The following WDFY3 variants were observed in gnomAD, a reference collection of about 807,000 sequenced individuals.
WDFY3 encodes the protein WD repeat and FYVE domain containing 3, also known as WD repeat and FYVE domain-containing protein 3.
WDFY3 carries 66 observed loss-of-function variants against 409.6 expected under a neutral mutation model. That is an observed-to-expected ratio of 0.16 (90% confidence interval 0.13 to 0.20). The LOEUF (loss-of-function observed/expected upper bound fraction) is 0.20, where lower values mean the gene tolerates loss of function less well. WDFY3 is among the 10% of genes least tolerant of loss of function. WDFY3 has a pLI of 1.00. For missense variants in WDFY3, 3,031 were observed against 4,298.1 expected, an observed-to-expected ratio of 0.71 and a Z score of 8.24; for synonymous variants, 1,521 against 1,537.1, an observed-to-expected ratio of 0.99 and a Z score of 0.25.
At position 84,765,784 on chromosome 4, in the gene WDFY3, A is replaced by T. The variant is rs773174181; in HGVS notation, c.5188+26T>A. The stretch of plus-strand genomic sequence containing the variant: ...AACAAAACACACCAGCTCATTTTCA[A>T]GCAGCTGACTAGAAAAGTCCCATAC... On this transcript the variant is annotated intron_variant, in intron 32 of 67. Coordinates refer to ENST00000295888, the MANE Select transcript of WDFY3 (RefSeq NM_014991.6). 11 of 1,600,548 alleles carry T rather than the reference A, an allele frequency of 6.9e-6. No individual in the cohort carries two copies. The South Asian group carries it at 1.2e-4, about 18-fold the overall frequency.
Position 84,759,867 on chromosome 4 carries a change from T to C in WDFY3, c.5189-2706A>G, listed in dbSNP as rs1742208900. ...TGAATAGGAGTGGTGAGAGAGGGCA[T>C]CCCTGTCTTGTGCCAGTTTTCAAAG... On this transcript the variant is annotated intron_variant, in intron 32 of 67. Transcript: ENST00000295888. Among the ~76,000 whole-genome samples, 3 of 150,228 alleles carry C rather than the reference T, an allele frequency of 2.0e-5. No individual in the cohort carries two copies. The South Asian group carries it at 6.4e-4, about 32-fold the overall frequency.
chr4:84,823,847 T>C (rs538528438), intron 10 of WDFY3, among the ~76,000 whole-genome samples: 2 of 152,330 alleles, frequency 1.3e-5, no homozygotes, highest in South Asian at 2.1e-4. Flanking sequence ...ACAGCCACTT[T>C]AGAAGATACT....
At chr4:84,788,739 T>G (rs1160225602) in intron 22 of WDFY3, among the ~76,000 whole-genome samples, 2 of 152,176 alleles carry the variant, frequency 1.3e-5, no homozygotes, top group African/African-American at 4.8e-5. Context: ...TTTCAAGTGA[T>G]CGCCCTAAAA....
At chr4:84,888,482 A>C (rs539881230) in intron 3 of WDFY3, among the ~76,000 whole-genome samples, 112 of 152,350 alleles carry the variant, frequency 7.4e-4, no homozygotes, top group African/African-American at 2.5e-3. Context: ...AAGAGTACTT[A>C]ACTATTAACC....
intron 53 of WDFY3, among the ~76,000 whole-genome samples, chr4:84,707,967 G>A (rs181503609): frequency 1.3e-5 from 2 of 152,302 alleles, no homozygotes; most frequent in East Asian, 1.9e-4. Context: ...ATTTCTGAAA[G>A]GATAAGCAGT....
intron 17 of WDFY3, among the ~76,000 whole-genome samples, chr4:84,799,475 T>C (rs1023084584): frequency 1.3e-5 from 2 of 151,944 alleles, no homozygotes; most frequent in African/African-American, 4.8e-5. Flanking sequence ...CCTGGCCTCA[T>C]ACTTTATTTC....
chr4:84,758,440 G>T (rs116751591), intron 32 of WDFY3, among the ~76,000 whole-genome samples: 136 of 152,160 alleles, frequency 8.9e-4, no homozygotes, highest in Middle Eastern at 3.4e-3. Flanking sequence ...TAGAGACAAG[G>T]TCTTGCTATG....
rs577524366 is a variant in WDFY3, at chr4:84,799,632, G to A, written c.2823-1524C>T. Among the ~76,000 whole-genome samples the A allele has an allele frequency of 3.3e-5, 5 of 151,516 alleles. No individual in the cohort carries two copies. In the South Asian group the frequency reaches 8.4e-4, roughly 25 times the overall value. ...TATCTGCATGTATTCTTTACTAGAC[G>A]ATACATTTTTTAAGAGCATAAACCC... On this transcript the variant is annotated intron_variant, in intron 17 of 67. Transcript: ENST00000295888.
Position 84,691,708 on chromosome 4 carries a change from G to C in WDFY3, c.9127C>G (p.Pro3043Ala). Residue 3043 changes from proline (P) to alanine (A), a missense_variant, in exon 60 of 68, where the codon CCA becomes GCA. Coordinates refer to ENST00000295888, the MANE Select transcript of WDFY3 (RefSeq NM_014991.6). The part of the protein sequence containing the change: ...LAVEQNKVLI[P>A]PTWNKTFAWG... ...GCAAAAGTTTTATTCCAGGTTGGTGGGATAAGAACCTTATTCTGTTCCACC... is the reference window on the plus strand; with the variant it reads ...GCAAAAGTTTTATTCCAGGTTGGTGCGATAAGAACCTTATTCTGTTCCACC... The C allele has an allele frequency of 6.2e-7, 1 of 1,614,006 alleles. No homozygotes were observed. The highest frequency in any genetic ancestry group is 8.5e-7 in the Non-Finnish European group (1 of 1,179,968).
At chr4:84,785,894 A>G in intron 24 of WDFY3, 85 bp downstream of exon 24, 6 of 1,488,736 alleles carry the variant, frequency 4.0e-6, no homozygotes, top group Non-Finnish European at 5.4e-6. Context: ...GCAGTCACTC[A>G]TAATTGAGTA....
At chr4:84,879,357 A>G (rs953197907) in intron 3 of WDFY3, 4 of 152,186 alleles carry the variant, frequency 2.6e-5, no homozygotes, top group Non-Finnish European at 5.9e-5. Context: ...TATAGTAGTA[A>G]CTTGATCATT....
chr4:84,942,412 A>C lies in WDFY3; in HGVS notation c.-225-10049T>G, dbSNP rs144064309. ...CTTTTAAAAAAAGGATACATACAGC[A>C]AACAAGCAATGAAAGCTCACTACCA... On this transcript the variant is annotated intron_variant, in intron 1 of 67. Coordinates refer to ENST00000295888, the MANE Select transcript of WDFY3 (RefSeq NM_014991.6). Among the ~76,000 whole-genome samples, 1,092 of 152,358 alleles carry C rather than the reference A, an allele frequency of 7.2e-3. 9 individuals are homozygous for C. Among genetic ancestry groups the C allele is most frequent in the Middle Eastern group, 0.014 (4 of 294 alleles).
intron 3 of WDFY3, among the ~76,000 whole-genome samples, chr4:84,877,955 T>A (rs1343467886): frequency 6.6e-6 from 1 of 152,210 alleles, no homozygotes; most frequent in African/African-American, 2.4e-5. Context: ...TTTAAATTTC[T>A]TATCTGTTTA....
intron 47 of WDFY3, among the ~76,000 whole-genome samples, 161 bp downstream of exon 47, chr4:84,721,248 C>T (rs992833534): frequency 2.0e-5 from 3 of 152,188 alleles, no homozygotes; most frequent in African/African-American, 7.2e-5. Context: ...AAAACCCTTA[C>T]AGATGAGAAA....
intron 26 of WDFY3, 21 bp downstream of exon 26, chr4:84,780,087 C>CA: frequency 6.5e-7 from 1 of 1,531,528 alleles, no homozygotes; most frequent in South Asian, 1.3e-5. Context: ...GAAGTGAAGG[C>CA]AAAGTTTTAC....
At chr4:84,719,295 A>C (rs1734461521) in intron 47 of WDFY3, among the ~76,000 whole-genome samples, 1 of 152,190 alleles carries the variant, frequency 6.6e-6, no homozygotes. Context: ...GCTTGGCAGA[A>C]GTTGTATTTT....
rs115043971 is a variant in WDFY3 at position 84,871,003 on chromosome 4, G to A, written c.-31-10381C>T. ...GAAAGAGTCAGTGAGTTGAAGATAGGTCAACAGAAACTTCTAGAAAGAGAA... is the reference window on the plus strand; with the variant it reads ...GAAAGAGTCAGTGAGTTGAAGATAGATCAACAGAAACTTCTAGAAAGAGAA... On this transcript the variant is annotated intron_variant, in intron 3 of 67. Coordinates refer to ENST00000295888, the MANE Select transcript of WDFY3 (RefSeq NM_014991.6). Among the ~76,000 whole-genome samples, 286 of 152,116 alleles carry A rather than the reference G, an allele frequency of 1.9e-3. 1 individual carries two copies. The highest frequency in any genetic ancestry group is 6.2e-3 in the African/African-American group (259 of 41,512).
chr4:84,712,504 T>G (rs1733090694), intron 51 of WDFY3, among the ~76,000 whole-genome samples: 1 of 151,690 alleles, frequency 6.6e-6, no homozygotes. Flanking sequence ...ACAGATCACC[T>G]GAGATCAGTA....
At position 84,684,036 on chromosome 4, in the gene WDFY3, C is replaced by T. The variant is rs1578122493; in HGVS notation, c.9633G>A (p.Arg3211=). 3 of 1,613,804 alleles carry T rather than the reference C, an allele frequency of 1.9e-6. No homozygotes were observed. Among genetic ancestry groups the T allele is most frequent in the Non-Finnish European group, 2.5e-6 (3 of 1,179,752 alleles). ...PIVSVNTFTG[R]SQQIICCCMS... ...TGCAGCAGCAGATGATCTGCTGGCT[C>T]CTACCTGTGAACGTGTTGACACTCA... Residue 3211 remains arginine, a synonymous_variant, in exon 63 of 68, where the codon AGG becomes AGA. Coordinates refer to ENST00000295888, the MANE Select transcript of WDFY3 (RefSeq NM_014991.6).
Sources: gnomAD v4.1 joint callset for allele counts (sites outside exome capture counted in the v4.1 genomes callset) on GRCh38, gnomAD v4.1.1 for gene constraint, MANE v1.5 for transcripts, NCBI Gene and HGNC (gene_info 2026-07-23, HGNC 2026-07-21) for gene names.